The following PDE6C variants were observed in gnomAD, a reference collection of about 807,000 sequenced individuals.
PDE6C encodes the protein cone cGMP-specific 3',5'-cyclic phosphodiesterase subunit alpha'.
PDE6C carries 75 observed loss-of-function variants against 113.1 expected under a neutral mutation model. That is an observed-to-expected ratio of 0.66 (90% confidence interval 0.55 to 0.80). The LOEUF is 0.80. PDE6C is among the 30% of genes least tolerant of loss of function. The pLI is 0.00. For synonymous variants in PDE6C, 375 were observed against 363.7 expected, an observed-to-expected ratio of 1.03 and a Z score of -0.35; for missense variants, 912 against 1,038.6, an observed-to-expected ratio of 0.88 and a Z score of 1.67.
chr10:93,634,027 T>A (rs2058515892), intron 8 of PDE6C, among the ~76,000 whole-genome samples: 1 of 152,000 alleles, frequency 6.6e-6, no homozygotes, highest in Non-Finnish European at 1.5e-5. Context: ...GATTACTCTT[T>A]CTTTTTTTTT....
intron 14 of PDE6C, among the ~76,000 whole-genome samples, chr10:93,644,234 CTT>C (rs1053816796): frequency 2.6e-5 from 4 of 152,148 alleles, no homozygotes; most frequent in Admixed American, 2.0e-4. Flanking sequence ...CAGAAGATCT[CTT>C]TATGTAAAGG....
chr10:93,638,367 T>C (rs570539424), intron 11 of PDE6C, among the ~76,000 whole-genome samples: 31 of 152,158 alleles, frequency 2.0e-4, no homozygotes, highest in Non-Finnish European at 4.1e-4. Context: ...TCATGTCATC[T>C]GAGGTTCCCT....
At chr10:93,648,607 C>T (rs533510006) in intron 15 of PDE6C, among the ~76,000 whole-genome samples, 2 of 152,228 alleles carry the variant, frequency 1.3e-5, no homozygotes, top group Admixed American at 1.3e-4. Context: ...TATTATAAGG[C>T]TTTGAACGGC....
In PDE6C at chr10:93,665,511, AG is replaced by A. The variant is rs2058686101; in HGVS notation, c.*95del. 4.6e-6 allele frequency: 4 copies of A among 863,942 alleles called. No individual in the cohort carries two copies. In the East Asian group the frequency reaches 9.9e-5, roughly 21 times the overall value. The allele number at this position is 863,942 out of a possible 1,614,324, so 53.5% of individuals were successfully genotyped here. On this transcript the variant is annotated 3_prime_UTR_variant, in exon 22 of 22. Transcript: ENST00000371447. ...GAACTTCAACAAATCATCACGTAACAGGATCTTCAGAAAAACTACCCTGTGA... is the reference window on the plus strand; with the variant it reads ...GAACTTCAACAAATCATCACGTAACAGATCTTCAGAAAAACTACCCTGTGA...
rs768875501 is a variant in PDE6C at position 93,658,953 on chromosome 10, G to C, written c.2089G>C (p.Glu697Gln). The C allele has an allele frequency of 6.2e-7, 1 of 1,613,100 alleles. No individual in the cohort carries two copies. Among genetic ancestry groups the C allele is most frequent in the South Asian group, 1.1e-5 (1 of 91,054 alleles). The change falls in exon 17 of 22, where the codon GAA becomes CAA. Residue 697 changes from glutamate to glutamine, a missense_variant. Coordinates refer to ENST00000371447, the MANE Select transcript of PDE6C (RefSeq NM_006204.4). ...TGATGCCTGTGAACAAATGCAAACG[G>C]AAGAAGAAGCCATCAAATATGTAAC... ...IVDACEQMQT[E>Q]EEAIKYVTVD...
At chr10:93,635,917 G>A (rs1044399888) in intron 10 of PDE6C, among the ~76,000 whole-genome samples, 2 of 152,112 alleles carry the variant, frequency 1.3e-5, no homozygotes, top group African/African-American at 4.8e-5. Flanking sequence ...TTTAGGAAGG[G>A]AAATGTATCA....
At chr10:93,630,408 G>C (rs868209039) in intron 8 of PDE6C, among the ~76,000 whole-genome samples, 1 of 121,636 alleles carries the variant, frequency 8.2e-6, no homozygotes, top group Non-Finnish European at 1.7e-5. Flanking sequence ...CCCCCCACCT[G>C]TCATCTCTGC....
chr10:93,629,330 C>T (rs553298112), intron 8 of PDE6C, 25 bp downstream of exon 8: 1 of 1,548,262 alleles, frequency 6.5e-7, no homozygotes, highest in East Asian at 2.2e-5. Context: ...GGTCAGACCT[C>T]ACCTCTTGGG....
intron 20 of PDE6C, 90 bp downstream of exon 20, chr10:93,662,733 T>C: frequency 2.7e-6 from 2 of 748,146 alleles, no homozygotes; most frequent in South Asian, 2.9e-5. Flanking sequence ...AAGTCACCCA[T>C]ACGGAAAGCC....
At chr10:93,654,964 C>CA (rs2058629758) in intron 15 of PDE6C, among the ~76,000 whole-genome samples, 1 of 151,918 alleles carries the variant, frequency 6.6e-6, no homozygotes, top group South Asian at 2.1e-4. Flanking sequence ...CATACCACCA[C>CA]ACCCAGCTAT....
intron 14 of PDE6C, among the ~76,000 whole-genome samples, chr10:93,643,054 T>C (rs1300537668): frequency 6.6e-6 from 1 of 152,186 alleles, no homozygotes; most frequent in African/African-American, 2.4e-5. Context: ...ATCTATTGTG[T>C]GCTAGTAAGG....
At chr10:93,641,197 C>T (rs1215425435) in intron 14 of PDE6C, among the ~76,000 whole-genome samples, 168 bp downstream of exon 14, 8 of 152,190 alleles carry the variant, frequency 5.3e-5, no homozygotes, top group Admixed American at 2.0e-4. Flanking sequence ...TTCACGATAA[C>T]GTTGCTCTTT....
intron 15 of PDE6C, among the ~76,000 whole-genome samples, chr10:93,651,665 G>A (rs902608916): frequency 2.0e-5 from 3 of 152,140 alleles, no homozygotes; most frequent in Non-Finnish European, 2.9e-5. Context: ...TTTGTTTTCC[G>A]GAAGTTGGTA....
intron 3 of PDE6C, 92 bp downstream of exon 3, chr10:93,621,072 G>A: frequency 2.0e-6 from 2 of 1,012,888 alleles, no homozygotes; most frequent in East Asian, 2.4e-5. Flanking sequence ...TATTCCTCCT[G>A]GGGGTGTAAG....
chr10:93,647,012 G>A (rs981336267), intron 15 of PDE6C, among the ~76,000 whole-genome samples: 9 of 152,146 alleles, frequency 5.9e-5, no homozygotes, highest in Admixed American at 3.3e-4. Context: ...CTGCAGGAGC[G>A]GCTCAGCCCC....
At chr10:93,627,635 C>T (rs1290840004) in intron 7 of PDE6C, among the ~76,000 whole-genome samples, 3 of 152,060 alleles carry the variant, frequency 2.0e-5, no homozygotes, top group South Asian at 4.1e-4. Context: ...GTTCTTATAA[C>T]ATTTAGAACA....
rs765688777 is a variant in PDE6C, at chr10:93,662,614, ATTGATT to A, written c.2342_2347del (p.Asp781_Phe782del). 8 of 1,479,586 alleles carry A rather than the reference ATTGATT, an allele frequency of 5.4e-6. No individual in the cohort carries two copies. The highest frequency in any genetic ancestry group is 9.5e-7 in the Non-Finnish European group (1 of 1,057,440). The allele number at this position is 1,479,586 out of a possible 1,614,324, so 91.7% of individuals were successfully genotyped here. Reference sequence around the variant, plus strand: ...ATTACCTAAACTTCAAGTTGGATTTATTGATTTTGTTTGTACTTTTGTATATAAGGT... The same window carrying A: ...ATTACCTAAACTTCAAGTTGGATTTATTGTTTGTACTTTTGTATATAAGGT... On this transcript the variant is annotated inframe_deletion, in exon 20 of 22. Transcript: ENST00000371447.
chr10:93,660,337 T>C (rs1395728958), intron 18 of PDE6C, among the ~76,000 whole-genome samples: 2 of 152,166 alleles, frequency 1.3e-5, no homozygotes, highest in Non-Finnish European at 2.9e-5. Context: ...TTGGATGAAT[T>C]AGATAGTCAT....
At chr10:93,627,258 CAA>C (rs57142181) in intron 7 of PDE6C, among the ~76,000 whole-genome samples, 7 of 52,584 alleles carry the variant, frequency 1.3e-4, no homozygotes, top group African/African-American at 1.9e-4. Context: ...TGAAACTCCA[CAA>C]AAAAAAAAAA....
Sources: gnomAD v4.1 joint callset for allele counts (sites outside exome capture counted in the v4.1 genomes callset) on GRCh38, gnomAD v4.1.1 for gene constraint, MANE v1.5 for transcripts, NCBI Gene and HGNC (gene_info 2026-07-23, HGNC 2026-07-21) for gene names.